The following ZMYM2 variants were observed in gnomAD, a reference collection of about 807,000 sequenced individuals.
The protein encoded by ZMYM2 is zinc finger MYM-type containing 2.
A neutral mutation model predicts 162.8 loss-of-function variants in ZMYM2; 56 were observed. The ratio of observed to expected loss-of-function variants is 0.34; its 90% CI spans 0.28 to 0.43. The LOEUF (loss-of-function observed/expected upper bound fraction) is 0.43. Ranked by LOEUF, ZMYM2 falls within the 20% of genes least tolerant of loss-of-function variation. The pLI is 1.00. For synonymous variants in ZMYM2, 510 were observed against 541.6 expected (o/e 0.94, Z 0.81); for missense variants, 1,275 against 1,621.8 (o/e 0.79, Z 3.67).
intron 6 of ZMYM2, among the ~76,000 whole-genome samples, chr13:20,016,689 T>G (rs1315873572): frequency 2.0e-5 from 3 of 152,192 alleles, no homozygotes; most frequent in Non-Finnish European, 4.4e-5. Context: ...CCTCCATGGT[T>G]GTTTCTTTTG....
At chr13:19,924,390 C>G in the ZMYM2 span, among the ~76,000 whole-genome samples, 13 of 151,836 alleles carry the variant, frequency 8.6e-5, no homozygotes, top group Admixed American at 2.0e-4. Flanking sequence ...CATAGTGAGA[C>G]CTCATCTTTA....
At chr13:20,032,599 C>CTTTTTTTTTTTTT (rs57294389) in intron 10 of ZMYM2, among the ~76,000 whole-genome samples, 5 of 66,040 alleles carry the variant, frequency 7.6e-5, no homozygotes, top group Admixed American at 1.6e-4. Flanking sequence ...TTTTTTCTGT[C>CTTTTTTTTTTTTT]TTTTTTTTTT....
intron 2 of ZMYM2, among the ~76,000 whole-genome samples, chr13:19,982,110 G>A (rs1396598180): frequency 2.0e-5 from 3 of 152,106 alleles, no homozygotes; most frequent in African/African-American, 4.8e-5. Context: ...TTATACCTCA[G>A]ATTCAACTGA....
upstream of ZMYM2, among the ~76,000 whole-genome samples, chr13:19,957,505 G>A (rs577348381): frequency 3.3e-5 from 5 of 150,430 alleles, no homozygotes; most frequent in East Asian, 2.0e-4. Context: ...AGGTGTAGAC[G>A]AGGAACAAAA....
At chr13:19,959,061 C>T (rs1432256618) in intron 1 of ZMYM2, among the ~76,000 whole-genome samples, 6 of 151,672 alleles carry the variant, frequency 4.0e-5, no homozygotes, top group African/African-American at 2.4e-5. Context: ...CAGCTCGGGG[C>T]TGCGCTCATG....
chr13:19,874,719 T>TA, the ZMYM2 span, among the ~76,000 whole-genome samples: 230 of 151,510 alleles, frequency 1.5e-3, 7 homozygotes, highest in South Asian at 0.037. Flanking sequence ...TAAGAAAAGA[T>TA]ATACAGATTT....
chr13:20,045,403 T>TTCTA (rs1298827306), intron 12 of ZMYM2, among the ~76,000 whole-genome samples: 15 of 152,218 alleles, frequency 9.9e-5, no homozygotes, highest in African/African-American at 3.6e-4. Context: ...TTACTGTTGC[T>TTCTA]TCTATATGAT....
intron 21 of ZMYM2, among the ~76,000 whole-genome samples, chr13:20,080,503 T>C (rs1181551196): frequency 2.0e-5 from 3 of 152,104 alleles, no homozygotes; most frequent in African/African-American, 4.8e-5. Context: ...TTTTTTTTTT[T>C]CCTTGAGACT....
chr13:20,005,054 A>C lies in ZMYM2; in HGVS notation c.1134-20A>C, dbSNP rs764364319. On this transcript the variant is annotated intron_variant, in intron 4 of 24. Transcript: ENST00000610343. The stretch of plus-strand genomic sequence containing the variant: ...ATTTCTTTTAAAATGGAATTTTAAT[A>C]TGTACCACTTATTTTTCAGAGATAT... 3 of 1,581,262 alleles carry C rather than the reference A, an allele frequency of 1.9e-6. No homozygotes were observed. The highest frequency in any genetic ancestry group is 2.6e-6 in the Non-Finnish European group (3 of 1,167,716).
intron 21 of ZMYM2, among the ~76,000 whole-genome samples, chr13:20,081,337 T>G (rs1957892447): frequency 6.6e-6 from 1 of 152,230 alleles, no homozygotes; most frequent in Non-Finnish European, 1.5e-5. Context: ...CTTTGTGCTG[T>G]TATCATATAA....
the ZMYM2 span, among the ~76,000 whole-genome samples, chr13:19,939,105 C>A: frequency 4.0e-5 from 6 of 149,066 alleles, no homozygotes; most frequent in African/African-American, 1.5e-4. Flanking sequence ...CTCACTGCAA[C>A]CTCCGCCTCC....
the ZMYM2 span, among the ~76,000 whole-genome samples, chr13:19,925,954 A>T: frequency 2.0e-4 from 30 of 151,916 alleles, no homozygotes; most frequent in East Asian, 4.9e-3. Context: ...AATTTGTAGA[A>T]GATGAAAATT....
chr13:20,084,116 A>G (rs1321715471), intron 24 of ZMYM2, among the ~76,000 whole-genome samples: 2 of 152,178 alleles, frequency 1.3e-5, no homozygotes, highest in African/African-American at 2.4e-5. Context: ...GGCTTAAGCC[A>G]TCCTCCCACC....
At chr13:20,080,662 G>A (rs1406494842) in intron 21 of ZMYM2, among the ~76,000 whole-genome samples, 1 of 151,960 alleles carries the variant, frequency 6.6e-6, no homozygotes, top group African/African-American at 2.4e-5. Flanking sequence ...GCTAATTTTT[G>A]TATTTTTTGT....
intron 10 of ZMYM2, among the ~76,000 whole-genome samples, chr13:20,033,375 G>A (rs372506967): frequency 1.3e-5 from 2 of 152,136 alleles, no homozygotes; most frequent in Non-Finnish European, 2.9e-5. Flanking sequence ...AGTTGAGCGT[G>A]TCCCCCTGGG....
rs775168841 is a variant in ZMYM2 at position 20,036,671 on chromosome 13, G to C, written c.2120-66G>C. On this transcript the variant is annotated intron_variant, in intron 11 of 24. Coordinates refer to ENST00000610343, the MANE Select transcript of ZMYM2 (RefSeq NM_197968.4). ...GAAAAATCTTGACCAATTAAGATCT[G>C]TCTCTGCTCAATAATTAGTTTTCAT... The C allele has an allele frequency of 2.3e-6, 3 of 1,322,620 alleles. No homozygotes were observed. The Admixed American group carries it at 9.6e-5, about 42-fold the overall frequency. The allele number at this position is 1,322,620 out of a possible 1,614,324, so 81.9% of individuals were successfully genotyped here.
intron 14 of ZMYM2, among the ~76,000 whole-genome samples, chr13:20,053,654 A>G (rs536723586): frequency 6.6e-6 from 1 of 152,346 alleles, no homozygotes; most frequent in African/African-American, 2.4e-5. Context: ...CTCCATCTCC[A>G]TTAACAACAA....
chr13:19,890,470 A>C, the ZMYM2 span, among the ~76,000 whole-genome samples: 1 of 142,044 alleles, frequency 7.0e-6, no homozygotes, highest in Non-Finnish European at 1.5e-5. Context: ...TCACTGCCCT[A>C]AGATATTAAA....
chr13:19,978,897 C>G (rs1391020253), intron 2 of ZMYM2, among the ~76,000 whole-genome samples: 1 of 152,184 alleles, frequency 6.6e-6, no homozygotes. Context: ...GAAGAACTCT[C>G]TTCAGCATTT....
Sources: gnomAD v4.1 joint callset for allele counts (sites outside exome capture counted in the v4.1 genomes callset) on GRCh38, gnomAD v4.1.1 for gene constraint, MANE v1.5 for transcripts, NCBI Gene and HGNC (gene_info 2026-07-23, HGNC 2026-07-21) for gene names.